ABAT: variants seen among roughly 807,000 people sequenced by gnomAD.
The protein encoded by ABAT is 4-aminobutyrate aminotransferase, also known as 4-aminobutyrate aminotransferase, mitochondrial.
ABAT carries 45 observed loss-of-function variants against 64.6 expected under a neutral mutation model. That is an observed-to-expected ratio of 0.70 (90% confidence interval 0.55 to 0.89). ABAT has a LOEUF of 0.89. Among genes scored for constraint, ABAT ranks in the 40% least tolerant of loss-of-function variants. The pLI, the probability that ABAT is intolerant of heterozygous loss-of-function variation, is 0.00. For missense variants in ABAT, 633 were observed against 658.4 expected (o/e 0.96, Z 0.42); for synonymous variants, 297 against 250.5 (o/e 1.19, Z -1.75).
In ABAT at chr16:8,764,110, G is replaced by T; in HGVS notation, c.408G>T (p.Pro136=). ...VNRPALGILP[P]ENFVEKLRQS... ...GACCCGCCCTCGGAATCCTGCCTCC[G>T]GAGAACTTTGTGGAGAAGCTCCGGC... Residue 136 remains proline (P), a synonymous_variant, in exon 7 of 16, where the codon CCG becomes CCT. Transcript: ENST00000268251. The surrounding 1 kb of genome is among the most constrained non-coding windows in gnomAD (Gnocchi z 4.2). The T allele has an allele frequency of 6.2e-7, 1 of 1,613,674 alleles. No individual in the cohort carries two copies.
chr16:8,727,911 A>T (rs1000553787), intron 1 of ABAT, among the ~76,000 whole-genome samples: 7 of 152,124 alleles, frequency 4.6e-5, no homozygotes, highest in African/African-American at 1.4e-4. Context: ...TCTACTAAAA[A>T]TTTAAAAAAA....
chr16:8,749,793 C>A (rs772277205), intron 4 of ABAT, among the ~76,000 whole-genome samples: 3 of 151,974 alleles, frequency 2.0e-5, no homozygotes, highest in Non-Finnish European at 1.5e-5. Flanking sequence ...AAGTTCACTG[C>A]AACCTCCGCC....
Position 8,774,957 on chromosome 16 carries a change from A to G in ABAT, c.1022A>G (p.His341Arg). ...GGGCTGKFWA[H>R]EHWGLDDPAD... ...GGCTGCACGGGCAAGTTCTGGGCCC[A>G]TGAGCACTGGGGCCTGGATGACCCA... The change falls in exon 13 of 16, where the codon CAT becomes CGT. Residue 341 changes from histidine to arginine, a missense_variant. His to Arg is a conservative substitution (Grantham distance 29, BLOSUM62 0). Transcript: ENST00000268251. 1.9e-6 allele frequency: 3 copies of G among 1,614,232 alleles called. No individual in the cohort carries two copies. The highest frequency in any genetic ancestry group is 2.5e-6 in the Non-Finnish European group (3 of 1,180,036).
At chr16:8,689,705 G>A (rs1426285753) in intron 1 of ABAT, among the ~76,000 whole-genome samples, 10 of 152,206 alleles carry the variant, frequency 6.6e-5, no homozygotes, top group African/African-American at 2.4e-5. Context: ...CTCTGAGAAA[G>A]TGAGTCATGA....
chr16:8,773,158 A>ATTTTTTTTTTT (rs57095363), intron 12 of ABAT, among the ~76,000 whole-genome samples: 12 of 126,994 alleles, frequency 9.4e-5, no homozygotes, highest in African/African-American at 3.9e-4. Flanking sequence ...ATATATATAT[A>ATTTTTTTTTTT]TTTTTTTTTT....
chr16:8,732,434 T>A (rs578213770), intron 1 of ABAT, among the ~76,000 whole-genome samples: 3,095 of 150,490 alleles, frequency 0.021, 108 homozygotes, highest in African/African-American at 0.055. Flanking sequence ...TTAACGAGCC[T>A]GCTGCCTTCA....
chr16:8,700,672 C>T (rs1050821679), intron 1 of ABAT, among the ~76,000 whole-genome samples: 19 of 152,302 alleles, frequency 1.2e-4, no homozygotes, highest in African/African-American at 4.6e-4. Flanking sequence ...CATAGCTCCC[C>T]TGCAGCCTTG....
chr16:8,763,273 G>T (rs1005407934), intron 6 of ABAT, among the ~76,000 whole-genome samples: 4 of 152,054 alleles, frequency 2.6e-5, no homozygotes, highest in Non-Finnish European at 5.9e-5. Flanking sequence ...TGTGTGACTT[G>T]GGGCAAGTTG....
At chr16:8,722,897 CTT>C in intron 1 of ABAT, 4 of 1,279,284 alleles carry the variant, frequency 3.1e-6, no homozygotes, top group Non-Finnish European at 3.1e-6. Context: ...ATATGGAACT[CTT>C]AGCACGCTTG....
At chr16:8,747,488 G>T (rs2059367356) in intron 3 of ABAT, among the ~76,000 whole-genome samples, 1 of 152,046 alleles carries the variant, frequency 6.6e-6, no homozygotes, top group African/African-American at 2.4e-5. Context: ...TCTAGTAGTA[G>T]TAAAATTCTT....
rs1331889225 is a variant in ABAT at position 8,762,520 on chromosome 16, G to A, written c.367-1549G>A. On this transcript the variant is annotated intron_variant, in intron 6 of 15. Coordinates refer to ENST00000268251, the MANE Select transcript of ABAT (RefSeq NM_020686.6). The stretch of plus-strand genomic sequence containing the variant: ...AGCCAAAGCCAATTATCTTCATGCT[G>A]TACCCTAAGCCTGTTGAGCTGACTG... Among the ~76,000 whole-genome samples, 6 of 152,190 alleles carry A rather than the reference G, an allele frequency of 3.9e-5. No homozygotes were observed. In the South Asian group the frequency reaches 1.2e-3, roughly 32 times the overall value.
chr16:8,757,228 C>T (rs917224110), intron 5 of ABAT: 13 of 448,412 alleles, frequency 2.9e-5, no homozygotes, highest in African/African-American at 6.0e-5. Flanking sequence ...AGTGCAGTGG[C>T]GTGATCTCAA....
Position 8,776,761 on chromosome 16 carries a change from T to G in ABAT, c.1269+271T>G, listed in dbSNP as rs12930556. Among the ~76,000 whole-genome samples the G allele has an allele frequency of 7.9e-5, 12 of 152,036 alleles. No homozygotes were observed. The South Asian group carries it at 8.3e-4, about 11-fold the overall frequency. On this transcript the variant is annotated intron_variant, in intron 14 of 15. Coordinates refer to ENST00000268251, the MANE Select transcript of ABAT (RefSeq NM_020686.6). The surrounding 1 kb of genome is among the most constrained non-coding windows in gnomAD (Gnocchi z 4.4). ...TAATTTATTTTTTATTTTTTTAATA[T>G]TGAGACATGGTCAAGCTCTGTTAGC...
At position 8,738,518 on chromosome 16, in the gene ABAT, A is replaced by G. The variant is rs146441711; in HGVS notation, c.70+2709A>G. 781 of 451,242 alleles carry G rather than the reference A, an allele frequency of 1.7e-3. 11 individuals carry two copies. In the East Asian group the frequency reaches 0.039, roughly 23 times the overall value. The allele number at this position is 451,242 out of a possible 1,614,324, so 28.0% of individuals were successfully genotyped here. ...CTCCTCTGGTCTGTGACAGTTTCTC[A>G]GTCTTTTCCTTATTCTTCTCGACCT... On this transcript the variant is annotated intron_variant, in intron 2 of 15. Coordinates refer to ENST00000268251, the MANE Select transcript of ABAT (RefSeq NM_020686.6).
rs775360286 is a variant in ABAT, at chr16:8,746,075, G to A, written c.145G>A (p.Glu49Lys). ...FDYDGPLMKT[E>K]VPGPRSQELM... ...TTATGATGGGCCTCTGATGAAGACG[G>A]AAGTCCCAGGGCCTAGATCTCAGGT... Residue 49 changes from glutamate (E) to lysine (K), a missense_variant, in exon 3 of 16, where the codon GAA becomes AAA. By Grantham distance (56) the Glu-to-Lys change is moderately conservative (BLOSUM62 1). Transcript: ENST00000268251. 6.2e-7 allele frequency: 1 copy of A among 1,613,670 alleles called. No individual in the cohort carries two copies. The highest frequency in any genetic ancestry group is 2.2e-5 in the East Asian group (1 of 44,868).
chr16:8,747,919 G>A (rs929772908), intron 3 of ABAT, among the ~76,000 whole-genome samples, 189 bp from the exon 4 acceptor site: 3 of 152,048 alleles, frequency 2.0e-5, no homozygotes, highest in Admixed American at 6.6e-5. Flanking sequence ...AGTAATTTAA[G>A]CGTGTAATGG....
chr16:8,770,433 G>C (rs2060073461), intron 11 of ABAT, among the ~76,000 whole-genome samples: 1 of 151,014 alleles, frequency 6.6e-6, no homozygotes, highest in South Asian at 2.1e-4. Flanking sequence ...CACCGCGCCG[G>C]CCTTCTTTTC....
intron 6 of ABAT, among the ~76,000 whole-genome samples, chr16:8,761,099 A>AAC: frequency 6.6e-6 from 1 of 151,328 alleles, no homozygotes; most frequent in South Asian, 2.1e-4. Context: ...AACAAAACAA[A>AAC]AACATATCCC....
At chr16:8,749,310 G>C (rs567026380) in intron 4 of ABAT, among the ~76,000 whole-genome samples, 1 of 147,934 alleles carries the variant, frequency 6.8e-6, no homozygotes, top group Non-Finnish European at 1.5e-5. Context: ...GGCTGGTCTC[G>C]AACTGCTGAC....
Sources: gnomAD v4.1 joint callset for allele counts (sites outside exome capture counted in the v4.1 genomes callset) on GRCh38, gnomAD v4.1.1 for gene constraint, Gnocchi (gnomAD v3.1) non-coding constraint, MANE v1.5 for transcripts, NCBI Gene and HGNC (gene_info 2026-07-23, HGNC 2026-07-21) for gene names.